The following RHBDL3 variants were observed in gnomAD, a reference collection of about 807,000 sequenced individuals.
RHBDL3 encodes the protein rhomboid like 3.
RHBDL3 carries 28 observed loss-of-function variants against 48.2 expected under a neutral mutation model. The observed-to-expected ratio is 0.58, with a 90% confidence interval of 0.43 to 0.80. The LOEUF is 0.80. Among genes scored for constraint, RHBDL3 ranks in the 30% least tolerant of loss-of-function variants. The pLI is 0.00. For missense variants in RHBDL3, 464 were observed against 542.7 expected, an observed-to-expected ratio of 0.85 and a Z score of 1.44; for synonymous variants, 208 against 232.3, an observed-to-expected ratio of 0.90 and a Z score of 0.95.
intron 4 of RHBDL3, among the ~76,000 whole-genome samples, 183 bp downstream of exon 4, chr17:32,289,199 G>T (rs1199702077): frequency 6.6e-6 from 1 of 152,208 alleles, no homozygotes; most frequent in Non-Finnish European, 1.5e-5. Context: ...GTGCATACCA[G>T]TGTTGTAACC....
intron 4 of RHBDL3, among the ~76,000 whole-genome samples, chr17:32,289,886 T>TCG (rs1231844923): frequency 1.3e-5 from 2 of 152,232 alleles, no homozygotes; most frequent in African/African-American, 4.8e-5. Flanking sequence ...ATCAAAAGCT[T>TCG]CGCGGCATCC....
chr17:32,302,287 T>C (rs1464015197), intron 6 of RHBDL3, among the ~76,000 whole-genome samples: 1 of 152,206 alleles, frequency 6.6e-6, no homozygotes, highest in Non-Finnish European at 1.5e-5. Flanking sequence ...CCCATGTTTG[T>C]CTTTGGTCTC....
chr17:32,294,930 G>T (rs1014516467), intron 5 of RHBDL3, among the ~76,000 whole-genome samples: 6 of 152,166 alleles, frequency 3.9e-5, no homozygotes, highest in African/African-American at 1.4e-4. Flanking sequence ...CCTGTTTTGG[G>T]GCTGCAGCAC....
intron 1 of RHBDL3, among the ~76,000 whole-genome samples, chr17:32,267,062 T>C (rs998357872): frequency 2.0e-5 from 3 of 152,046 alleles, no homozygotes; most frequent in African/African-American, 7.2e-5. Flanking sequence ...GGGGCTAACC[T>C]ACACATAGGG....
intron 1 of RHBDL3, 115 bp downstream of exon 1, chr17:32,266,415 C>A (rs762749325): frequency 6.1e-6 from 3 of 494,672 alleles, no homozygotes; most frequent in South Asian, 6.2e-5. Flanking sequence ...CGGGAGCGCC[C>A]CGGATTGGCC....
intron 6 of RHBDL3, among the ~76,000 whole-genome samples, 186 bp from the exon 7 acceptor site, chr17:32,305,151 AAGGG>A (rs929616858): frequency 6.7e-5 from 9 of 133,402 alleles, no homozygotes; most frequent in Non-Finnish European, 1.1e-4. Flanking sequence ...GAAAGGAAGG[AAGGG>A]AGGGAGGGAG....
In RHBDL3 at chr17:32,291,154, G is replaced by A. The variant is rs62064222; in HGVS notation, c.519+2138G>A. ...TTAAGACCAGCCTGGCCAACATGGT[G>A]AAACCCTGTCTCTACTAAAAATATA... is the stretch of plus-strand genomic sequence containing the variant. On this transcript the variant is annotated intron_variant, in intron 4 of 8. Coordinates refer to ENST00000269051, the MANE Select transcript of RHBDL3 (RefSeq NM_138328.3). Among the ~76,000 whole-genome samples the A allele has an allele frequency of 6.4e-3, 963 of 151,100 alleles. 6 individuals are homozygous for A. The highest frequency in any genetic ancestry group is 0.01 in the Non-Finnish European group (708 of 67,744).
intron 5 of RHBDL3, among the ~76,000 whole-genome samples, chr17:32,297,194 G>T (rs936314914): frequency 6.6e-6 from 1 of 151,852 alleles, no homozygotes; most frequent in Non-Finnish European, 1.5e-5. Context: ...ATGGCCAGGC[G>T]CAGTGGCTCA....
Position 32,316,279 on chromosome 17 carries a change from G to A in RHBDL3, c.930G>A (p.Val310=). The change falls in exon 8 of 9, where the codon GTG becomes GTA. Residue 310 remains valine, a synonymous_variant. Transcript: ENST00000269051. The part of the protein sequence containing the change: ...KCQFKLLRMA[V]ALICMSMEFG... ...AGTTCAAGCTGCTGCGGATGGCTGT[G>A]GCCCTTATCTGTAGTAAGTACTGAT... 1 of 1,613,696 alleles carries A rather than the reference G, an allele frequency of 6.2e-7. No individual in the cohort carries two copies. Among genetic ancestry groups the A allele is most frequent in the Non-Finnish European group, 8.5e-7 (1 of 1,179,638 alleles).
intron 7 of RHBDL3, among the ~76,000 whole-genome samples, chr17:32,312,762 C>T (rs1458638430): frequency 6.6e-6 from 1 of 151,996 alleles, no homozygotes; most frequent in East Asian, 1.9e-4. Context: ...AAGTGATCCG[C>T]CTGCGTCAGC....
At chr17:32,294,550 C>A in intron 5 of RHBDL3, 108 bp downstream of exon 5, 2 of 1,141,546 alleles carry the variant, frequency 1.8e-6, no homozygotes, top group South Asian at 1.8e-5. Flanking sequence ...TCTATTTGGA[C>A]ATAGGATTTG....
At chr17:32,293,630 T>A (rs1436285318) in intron 4 of RHBDL3, among the ~76,000 whole-genome samples, 1 of 151,896 alleles carries the variant, frequency 6.6e-6, no homozygotes, top group Non-Finnish European at 1.5e-5. Context: ...TTTATGTTTA[T>A]TTCACTATAG....
Position 32,321,543 on chromosome 17 carries a change from G to T in RHBDL3, c.*314G>T. On this transcript the variant is annotated 3_prime_UTR_variant, in exon 9 of 9. Transcript: ENST00000269051. The stretch of plus-strand genomic sequence containing the variant: ...GGCTGGGCTTCTTCCATGGGGCCAG[G>T]GGGTGCCCCCTCACTGCTGCGGATT... The T allele has an allele frequency of 1.9e-6, 1 of 524,080 alleles. No individual in the cohort carries two copies. Among genetic ancestry groups the T allele is most frequent in the East Asian group, 3.7e-5 (1 of 26,672 alleles). The allele number at this position is 524,080 out of a possible 1,614,324, so 32.5% of individuals were successfully genotyped here. A position where few individuals can be genotyped will look rare whatever the true frequency, so the allele number is the denominator to read the frequency against.
chr17:32,271,364 A>G (rs1323415875), intron 2 of RHBDL3, among the ~76,000 whole-genome samples: 1 of 152,120 alleles, frequency 6.6e-6, no homozygotes, highest in Non-Finnish European at 1.5e-5. Flanking sequence ...GATTTATGCC[A>G]CTGATATTTA....
chr17:32,318,316 AC>A (rs2041023853), intron 8 of RHBDL3, among the ~76,000 whole-genome samples: 1 of 148,356 alleles, frequency 6.7e-6, no homozygotes, highest in Non-Finnish European at 1.5e-5. Flanking sequence ...ACAGAGCGAG[AC>A]CTTGCCTTAA....
intron 6 of RHBDL3, among the ~76,000 whole-genome samples, chr17:32,301,209 T>C (rs999989414): frequency 9.9e-5 from 15 of 151,966 alleles, no homozygotes; most frequent in African/African-American, 3.6e-4. Context: ...AACCAATGCT[T>C]GAGGCCAATG....
intron 8 of RHBDL3, among the ~76,000 whole-genome samples, chr17:32,319,947 G>A (rs537582007): frequency 2.0e-5 from 3 of 152,164 alleles, no homozygotes; most frequent in Non-Finnish European, 4.4e-5. Context: ...CACAAGAAGC[G>A]TGGATTGGTG....
Position 32,320,365 on chromosome 17 carries a change from C to T in RHBDL3, c.944-593C>T, listed in dbSNP as rs191372564. The stretch of plus-strand genomic sequence containing the variant: ...TGTTTTTGAGACAGTCTTGCTCTGT[C>T]GCCCCAGCTGCAGCGCAGTAGTGCA... On this transcript the variant is annotated intron_variant, in intron 8 of 8. Coordinates refer to ENST00000269051, the MANE Select transcript of RHBDL3 (RefSeq NM_138328.3). 9.9e-5 allele frequency among the ~76,000 whole-genome samples: 15 copies of T among 152,268 alleles called. No individual in the cohort carries two copies. The South Asian group carries it at 1.7e-3, about 17-fold the overall frequency.
At chr17:32,287,459 G>T (rs1251155851) in intron 3 of RHBDL3, among the ~76,000 whole-genome samples, 1 of 152,200 alleles carries the variant, frequency 6.6e-6, no homozygotes, top group African/African-American at 2.4e-5. Flanking sequence ...GATAGAGAAT[G>T]GTTGGAAAAG....
Sources: gnomAD v4.1 joint callset for allele counts (sites outside exome capture counted in the v4.1 genomes callset) on GRCh38, gnomAD v4.1.1 for gene constraint, MANE v1.5 for transcripts, NCBI Gene and HGNC (gene_info 2026-07-23, HGNC 2026-07-21) for gene names.